MGAT4C: variants seen among roughly 807,000 people sequenced by gnomAD.
MGAT4C encodes MGAT4 family member C.
MGAT4C carries 19 observed loss-of-function variants against 40.1 expected under a neutral mutation model. That is an observed-to-expected ratio of 0.47 (90% CI 0.33 to 0.70). The LOEUF (loss-of-function observed/expected upper bound fraction) is 0.70. Ranked by LOEUF, MGAT4C falls within the 30% of genes least tolerant of loss-of-function variation. The probability of loss-of-function intolerance (pLI) is 0.02; values close to 1 mark genes in which losing one functional copy is unlikely to be tolerated. For missense variants in MGAT4C, 491 were observed against 563.2 expected, an observed-to-expected ratio of 0.87 and a Z score of 1.30; for synonymous variants, 181 against 187.1, an observed-to-expected ratio of 0.97 and a Z score of 0.27.
intron 1 of MGAT4C, among the ~76,000 whole-genome samples, chr12:86,817,633 C>T (rs1485643104): frequency 1.3e-5 from 2 of 151,454 alleles, no homozygotes; most frequent in African/African-American, 4.8e-5. Flanking sequence ...CATTAAAGTT[C>T]AGAATCATTT....
Position 86,705,538 on chromosome 12 carries a change from G to T in MGAT4C, c.-229+21671C>A, listed in dbSNP as rs377255388. Among the ~76,000 whole-genome samples the T allele has an allele frequency of 5.7e-4, 87 of 151,986 alleles. No homozygotes were observed. In the South Asian group the frequency reaches 0.017, roughly 30 times the overall value. On this transcript the variant is annotated intron_variant, in intron 2 of 7. Transcript: ENST00000548651. ...AGAAAAAAAATGGATCCCAGGTAAA[G>T]AAAATATTATGAAAAGCAAAAATGT...
chr12:86,798,929 T>C (rs1488803590), intron 1 of MGAT4C, among the ~76,000 whole-genome samples: 1 of 151,840 alleles, frequency 6.6e-6, no homozygotes, highest in Admixed American at 6.6e-5. Context: ...AAAATAAGTT[T>C]CATTCAAGAG....
At chr12:86,100,289 T>G (rs1217842940) in intron 1 of MGAT4C, among the ~76,000 whole-genome samples, 1 of 151,504 alleles carries the variant, frequency 6.6e-6, no homozygotes, top group Non-Finnish European at 1.5e-5. Flanking sequence ...GCTTTCTTTT[T>G]TCATTTTGTT....
chr12:86,213,298 C>T (rs1310624794), intron 1 of MGAT4C, among the ~76,000 whole-genome samples: 3 of 152,150 alleles, frequency 2.0e-5, no homozygotes, highest in Non-Finnish European at 4.4e-5. Flanking sequence ...AATGCTGTTT[C>T]CCAAGAACTG....
At chr12:86,184,651 C>T (rs1375517923) in intron 1 of MGAT4C, among the ~76,000 whole-genome samples, 1 of 142,962 alleles carries the variant, frequency 7.0e-6, no homozygotes, top group African/African-American at 2.6e-5. Flanking sequence ...TCCTTCCATT[C>T]TCCTTTCCTT....
At chr12:86,580,835 C>A (rs1960751266) in intron 2 of MGAT4C, among the ~76,000 whole-genome samples, 1 of 151,336 alleles carries the variant, frequency 6.6e-6, no homozygotes, top group African/African-American at 2.4e-5. Flanking sequence ...ATCTTTCAAA[C>A]CAGAACTCAT....
At chr12:85,990,071 G>C (rs991925829) in intron 2 of MGAT4C, among the ~76,000 whole-genome samples, 22 of 152,032 alleles carry the variant, frequency 1.4e-4, no homozygotes, top group African/African-American at 4.8e-4. Context: ...AGGCTGTGGG[G>C]TAAATCCAAA....
chr12:86,065,319 A>G (rs1010773938), intron 1 of MGAT4C, among the ~76,000 whole-genome samples: 1 of 152,230 alleles, frequency 6.6e-6, no homozygotes, highest in African/African-American at 2.4e-5. Context: ...TCAATAAAAT[A>G]TTGGCAAACT....
At chr12:85,980,552 A>G (rs1036192252) in intron 4 of MGAT4C, 122 bp from the exon 5 acceptor site, 1 of 814,176 alleles carries the variant, frequency 1.2e-6, no homozygotes, top group African/African-American at 1.7e-5. Context: ...CTAGTAAATG[A>G]CTATGCACAG....
chr12:86,608,757 T>A (rs1962139160), intron 2 of MGAT4C, among the ~76,000 whole-genome samples: 1 of 152,054 alleles, frequency 6.6e-6, no homozygotes, highest in South Asian at 2.1e-4. Flanking sequence ...ATAAATGTAT[T>A]TTGTACATGG....
At position 85,975,264 on chromosome 12, in the gene MGAT4C, T is replaced by G. The variant is rs1883887244; in HGVS notation, c.*4025A>C. ...ATAACATTTTTAAAGGGCAGTAAAT[T>G]TTATAATTGTTATTGATTACAATGA... On this transcript the variant is annotated 3_prime_UTR_variant, in exon 5 of 5. Transcript: ENST00000611864. The G allele has an allele frequency of 6.6e-6, 1 of 150,918 alleles. No homozygotes were observed. Among genetic ancestry groups the G allele is most frequent in the Non-Finnish European group, 1.5e-5 (1 of 67,096 alleles). The allele number at this position is 150,918 out of a possible 1,614,324, so 9.3% of individuals were successfully genotyped here.
At chr12:86,790,886 T>C (rs1952010289) in intron 1 of MGAT4C, among the ~76,000 whole-genome samples, 2 of 152,084 alleles carry the variant, frequency 1.3e-5, no homozygotes, top group Non-Finnish European at 2.9e-5. Flanking sequence ...ATACCCAGTG[T>C]TTTTAATGTT....
chr12:86,385,007 A>G (rs895915694), intron 3 of MGAT4C, among the ~76,000 whole-genome samples: 1 of 152,236 alleles, frequency 6.6e-6, no homozygotes, highest in Non-Finnish European at 1.5e-5. Flanking sequence ...TCATTCAAAT[A>G]GCAGTTTTTC....
At chr12:86,678,268 C>T (rs1026200515) in intron 2 of MGAT4C, among the ~76,000 whole-genome samples, 3 of 152,056 alleles carry the variant, frequency 2.0e-5, no homozygotes, top group Admixed American at 1.3e-4. Context: ...GAGCCTAAGA[C>T]TTATCCTTTA....
rs1044136158 is a variant in MGAT4C at position 85,967,635 on chromosome 12, A to G, written c.*11654T>C. The G allele has an allele frequency of 5.9e-5, 9 of 152,098 alleles. No homozygotes were observed. Among genetic ancestry groups the G allele is most frequent in the Admixed American group, 5.2e-4 (8 of 15,246 alleles). The allele number at this position is 152,098 out of a possible 1,614,324, so 9.4% of individuals were successfully genotyped here. ...AGCTAGCAACACTATGTAGAAAAAT[A>G]TTTTAAATAAGACAGAGCATTAAAA... On this transcript the variant is annotated 3_prime_UTR_variant, in exon 5 of 5. Coordinates refer to ENST00000611864, the MANE Select transcript of MGAT4C (RefSeq NM_001351288.2).
intron 1 of MGAT4C, among the ~76,000 whole-genome samples, chr12:86,113,046 G>C (rs1037042608): frequency 2.0e-5 from 3 of 151,602 alleles, no homozygotes; most frequent in Non-Finnish European, 4.4e-5. Flanking sequence ...TAATAATCTT[G>C]GCATGAAACA....
chr12:86,311,194 A>G (rs1361540646), intron 4 of MGAT4C, among the ~76,000 whole-genome samples: 5 of 152,180 alleles, frequency 3.3e-5, no homozygotes, highest in Non-Finnish European at 7.3e-5. Context: ...ACAAACCTAA[A>G]TGGTGTAGCC....
At chr12:86,491,378 T>C (rs180886276) in intron 2 of MGAT4C, among the ~76,000 whole-genome samples, 34 of 152,202 alleles carry the variant, frequency 2.2e-4, no homozygotes, top group African/African-American at 7.0e-4. Flanking sequence ...TTGATGAACA[T>C]TGATGCAAAA....
intron 1 of MGAT4C, among the ~76,000 whole-genome samples, chr12:86,114,846 TTACC>T (rs1290736727): frequency 6.6e-6 from 1 of 151,978 alleles, no homozygotes; most frequent in East Asian, 1.9e-4. Flanking sequence ...TTAAAATCTA[TTACC>T]TACCCTAAGG....
Sources: allele counts gnomAD v4.1 joint callset (sites outside exome capture counted in the v4.1 genomes callset), GRCh38; gene constraint gnomAD v4.1.1; transcripts MANE v1.5; gene names NCBI Gene and HGNC (gene_info 2026-07-23, HGNC 2026-07-21).